FHIT: variants seen among roughly 807,000 people sequenced by gnomAD.
FHIT encodes bis(5'-adenosyl)-triphosphatase.
A neutral mutation model predicts 17.9 loss-of-function variants in FHIT; 19 were observed. The ratio of observed to expected loss-of-function variants is 1.06; its 90% CI spans 0.74 to 1.56. The LOEUF is 1.56. Ranked by LOEUF, FHIT falls within the 40% of genes most tolerant of loss-of-function variation. FHIT has a pLI of 0.00. For synonymous variants in FHIT, 81 were observed against 69.7 expected (o/e 1.16, Z -0.81); for missense variants, 248 against 189.2 (o/e 1.31, Z -1.82).
At chr3:60,663,596 C>T (rs1021206332) in intron 4 of FHIT, among the ~76,000 whole-genome samples, 42 of 151,936 alleles carry the variant, frequency 2.8e-4, no homozygotes, top group African/African-American at 8.0e-4. Context: ...CCACCATGCC[C>T]GGCTAATTTT....
chr3:60,857,909 T>C (rs561791237), intron 3 of FHIT, among the ~76,000 whole-genome samples: 1 of 152,278 alleles, frequency 6.6e-6, no homozygotes, highest in South Asian at 2.1e-4. Context: ...GCCTGGGCTT[T>C]TTAAGATTCC....
At chr3:60,456,629 G>A (rs2032112265) in intron 5 of FHIT, among the ~76,000 whole-genome samples, 2 of 152,186 alleles carry the variant, frequency 1.3e-5, no homozygotes, top group Admixed American at 1.3e-4. Context: ...CCTCTGATTA[G>A]ACTAGATCAA....
chr3:60,366,281 T>C (rs1474050217), intron 5 of FHIT, among the ~76,000 whole-genome samples: 1 of 152,122 alleles, frequency 6.6e-6, no homozygotes, highest in Non-Finnish European at 1.5e-5. Flanking sequence ...GTTCAAGCGA[T>C]TCTCCTGCCT....
chr3:61,098,169 C>G (rs2035702041), intron 2 of FHIT, among the ~76,000 whole-genome samples: 1 of 152,182 alleles, frequency 6.6e-6, no homozygotes, highest in African/African-American at 2.4e-5. Flanking sequence ...CTGCATATGG[C>G]TAGCAGCTTA....
Position 60,560,822 on chromosome 3 carries a change from C to CAT in FHIT, c.-17-23844_-17-23843insAT, listed in dbSNP as rs1390730415. On this transcript the variant is annotated intron_variant, in intron 4 of 9. Transcript: ENST00000492590. The stretch of plus-strand genomic sequence containing the variant: ...AAGGAGACACACACACACACACACA[C>CAT]ACACACACACACACACACACACAGA... Among the ~76,000 whole-genome samples the CAT allele has an allele frequency of 3.8e-5, 5 of 131,276 alleles. No homozygotes were observed. In the East Asian group the frequency reaches 9.8e-4, roughly 26 times the overall value. The allele number at this position is 131,276 out of a possible 152,430, so 86.1% of individuals were successfully genotyped here.
chr3:59,971,522 AT>A (rs769576826), intron 7 of FHIT, among the ~76,000 whole-genome samples: 24 of 152,232 alleles, frequency 1.6e-4, no homozygotes, highest in Admixed American at 1.2e-3. Flanking sequence ...ACCTCCCATA[AT>A]CAATTGAAGA....
At position 60,069,463 on chromosome 3, in the gene FHIT, C is replaced by A. The variant is rs542332208; in HGVS notation, c.104-55311G>T. On this transcript the variant is annotated intron_variant, in intron 5 of 9. Transcript: ENST00000492590. ...TCTGACAACATATATTCATTGAGCA[C>A]ATACATTACATAAAACACTGCTCCA... Among the ~76,000 whole-genome samples, 3 of 152,290 alleles carry A rather than the reference C, an allele frequency of 2.0e-5. No individual in the cohort carries two copies. In the South Asian group the frequency reaches 6.2e-4, roughly 32 times the overall value.
chr3:60,742,396 T>A lies in FHIT; in HGVS notation c.-18+79523A>T, dbSNP rs541836410. Among the ~76,000 whole-genome samples, 3 of 152,176 alleles carry A rather than the reference T, an allele frequency of 2.0e-5. No homozygotes were observed. In the East Asian group the frequency reaches 5.8e-4, roughly 29 times the overall value. ...CCACATAGAAAGCAGGGGAAGAGCA[T>A]GTTCAGTTTTTCTGAAGGTCTATAT... On this transcript the variant is annotated intron_variant, in intron 4 of 9. Transcript: ENST00000492590.
At chr3:60,540,840 G>T (rs1011260616) in intron 4 of FHIT, among the ~76,000 whole-genome samples, 1 of 152,062 alleles carries the variant, frequency 6.6e-6, no homozygotes, top group Non-Finnish European at 1.5e-5. Context: ...TTGCCCCAGT[G>T]GTACAAGATA....
intron 5 of FHIT, among the ~76,000 whole-genome samples, chr3:60,435,539 A>G (rs1576648462): frequency 6.6e-6 from 1 of 152,252 alleles, no homozygotes; most frequent in South Asian, 2.1e-4. Flanking sequence ...GGAAGCTAAA[A>G]GGCTAATACC....
At chr3:60,183,369 A>G (rs1029487168) in intron 5 of FHIT, among the ~76,000 whole-genome samples, 1 of 152,182 alleles carries the variant, frequency 6.6e-6, no homozygotes, top group African/African-American at 2.4e-5. Flanking sequence ...GTGCACTCAA[A>G]TCTGGGCAAC....
At position 60,909,968 on chromosome 3, in the gene FHIT, T is replaced by C. The variant is rs550514880; in HGVS notation, c.-110-87957A>G. On this transcript the variant is annotated intron_variant, in intron 3 of 9. Coordinates refer to ENST00000492590, the MANE Select transcript of FHIT (RefSeq NM_002012.4). ...GAAAAGGTGTTTCATATACCTAATT[T>C]AGAACACACCCCTCCTAGATCTATA... Among the ~76,000 whole-genome samples the C allele has an allele frequency of 1.2e-4, 19 of 152,276 alleles. No individual in the cohort carries two copies. The South Asian group carries it at 2.9e-3, about 23-fold the overall frequency.
chr3:60,037,240 C>A (rs947254089), intron 5 of FHIT, among the ~76,000 whole-genome samples: 2 of 152,110 alleles, frequency 1.3e-5, no homozygotes, highest in Non-Finnish European at 2.9e-5. Context: ...CTGAGTTGAA[C>A]CTTTTCTAAA....
intron 3 of FHIT, among the ~76,000 whole-genome samples, chr3:61,025,737 A>C (rs7651494): frequency 2.0e-5 from 3 of 152,002 alleles, no homozygotes; most frequent in Non-Finnish European, 4.4e-5. Flanking sequence ...ACTGTTTGTT[A>C]ATATATCTGG....
intron 8 of FHIT, among the ~76,000 whole-genome samples, chr3:59,792,647 C>A (rs1575502626): frequency 1.3e-5 from 2 of 152,098 alleles, no homozygotes; most frequent in Non-Finnish European, 2.9e-5. Flanking sequence ...AAATGCTTAA[C>A]AAGAATCTAG....
chr3:60,629,284 A>G (rs562691620), intron 4 of FHIT, among the ~76,000 whole-genome samples: 41 of 152,324 alleles, frequency 2.7e-4, no homozygotes, highest in African/African-American at 9.1e-4. Context: ...TGAAAGGGAT[A>G]GATAGCAGGC....
intron 7 of FHIT, among the ~76,000 whole-genome samples, chr3:59,963,175 C>G (rs1964583): frequency 0.99 from 151,048 of 152,176 alleles, 74,973 homozygotes; most frequent in Middle Eastern, 1. Flanking sequence ...GCTGAGGCAG[C>G]AGAATGGCGT....
At chr3:60,688,910 G>A (rs2040922490) in intron 4 of FHIT, among the ~76,000 whole-genome samples, 1 of 152,024 alleles carries the variant, frequency 6.6e-6, no homozygotes, top group Non-Finnish European at 1.5e-5. Context: ...TTCCACATCT[G>A]TGGATTCAAC....
chr3:59,891,917 C>A (rs999028993), intron 8 of FHIT, among the ~76,000 whole-genome samples: 2 of 152,146 alleles, frequency 1.3e-5, no homozygotes, highest in Non-Finnish European at 2.9e-5. Context: ...TAGGGGACTT[C>A]TGAATTTAAA....
Sources: allele counts gnomAD v4.1 joint callset (sites outside exome capture counted in the v4.1 genomes callset), GRCh38; gene constraint gnomAD v4.1.1; transcripts MANE v1.5; gene names NCBI Gene and HGNC (gene_info 2026-07-23, HGNC 2026-07-21).